PALS2: variants seen among roughly 807,000 people sequenced by gnomAD.
The protein encoded by PALS2 is protein PALS2.
PALS2 carries 27 observed loss-of-function variants against 61.6 expected under a neutral mutation model. The ratio of observed to expected loss-of-function variants is 0.44; its 90% CI spans 0.32 to 0.60. PALS2 has a LOEUF of 0.60. PALS2 is among the 20% of genes least tolerant of loss of function. PALS2 has a pLI of 0.05. For missense variants in PALS2, 554 were observed against 639.4 expected, an observed-to-expected ratio of 0.87 and a Z score of 1.44; for synonymous variants, 236 against 218.6, an observed-to-expected ratio of 1.08 and a Z score of -0.70.
intron 9 of PALS2, among the ~76,000 whole-genome samples, chr7:24,672,135 G>T (rs548614064): frequency 6.6e-6 from 1 of 150,606 alleles, no homozygotes; most frequent in Non-Finnish European, 1.5e-5. Flanking sequence ...GCAGCAATTG[G>T]AAGCTTATCT....
intron 10 of PALS2, among the ~76,000 whole-genome samples, chr7:24,680,174 T>G (rs992095360): frequency 6.6e-5 from 10 of 152,228 alleles, no homozygotes; most frequent in Non-Finnish European, 1.2e-4. Context: ...TGTTTTATAC[T>G]TTGTTCAAGA....
chr7:24,670,444 C>G (rs752448453), intron 9 of PALS2, among the ~76,000 whole-genome samples: 2 of 151,944 alleles, frequency 1.3e-5, no homozygotes, highest in Admixed American at 6.6e-5. Context: ...TGGAGTAGTT[C>G]CCTTTGTTGT....
At chr7:24,604,074 T>C (rs1240608919) in intron 1 of PALS2, among the ~76,000 whole-genome samples, 1 of 151,884 alleles carries the variant, frequency 6.6e-6, no homozygotes, top group African/African-American at 2.4e-5. Context: ...GTCTGGGCAT[T>C]GTGACATGTG....
chr7:24,622,483 A>G (rs934537362), intron 1 of PALS2, among the ~76,000 whole-genome samples: 1 of 151,928 alleles, frequency 6.6e-6, no homozygotes, highest in African/African-American at 2.4e-5. Flanking sequence ...TCACCAGTGT[A>G]TAGAAATACA....
chr7:24,658,151 ATTG>A (rs1027202976), intron 5 of PALS2, among the ~76,000 whole-genome samples: 17 of 151,782 alleles, frequency 1.1e-4, no homozygotes, highest in African/African-American at 4.1e-4. Flanking sequence ...GATGTTTTCT[ATTG>A]TTTTGTTTTC....
Position 24,687,346 on chromosome 7 carries a change from C to G in PALS2, c.1447-92C>G. ...AATACCAGAATTACCAGAAATATATCTAACCTATTTATTATATTCACTTCT... is the reference window on the plus strand; with the variant it reads ...AATACCAGAATTACCAGAAATATATGTAACCTATTTATTATATTCACTTCT... On this transcript the variant is annotated intron_variant, in intron 11 of 11. Transcript: ENST00000222644. This position sits in a 1 kb window ranked among gnomAD's most constrained non-coding sequence, Gnocchi z 4.5. The G allele has an allele frequency of 2.1e-6, 2 of 958,096 alleles. No individual in the cohort carries two copies. The highest frequency in any genetic ancestry group is 3.2e-6 in the Non-Finnish European group (2 of 633,210). 59.3% of individuals were successfully genotyped at this position (958,096 alleles called of 1,614,324 possible). A position where few individuals can be genotyped will look rare whatever the true frequency, so the allele number is the denominator to read the frequency against.
chr7:24,655,283 GA>G (rs1249426550), intron 5 of PALS2, among the ~76,000 whole-genome samples: 1 of 152,160 alleles, frequency 6.6e-6, no homozygotes, highest in Non-Finnish European at 1.5e-5. Context: ...AACCCCAAAA[GA>G]TTACATGCAT....
chr7:24,631,910 A>G (rs1012916261), intron 2 of PALS2, among the ~76,000 whole-genome samples: 3 of 152,236 alleles, frequency 2.0e-5, no homozygotes, highest in Non-Finnish European at 4.4e-5. Context: ...CTTGTCATGT[A>G]AACATAACTT....
chr7:24,679,235 C>G lies in PALS2; in HGVS notation c.1219C>G (p.His407Asp). 6.2e-7 allele frequency: 1 copy of G among 1,613,926 alleles called. No homozygotes were observed. The highest frequency in any genetic ancestry group is 1.1e-5 in the South Asian group (1 of 91,070). Reference protein sequence around the residue: ...ADIKAGKYLEHGEYEGNLYGT... With the variant: ...ADIKAGKYLEDGEYEGNLYGT... Reference sequence around the variant, plus strand: ...TATTAAAGCTGGAAAGTATTTGGAACATGGGGAATATGAAGGAAATCTCTA... The same window carrying G: ...TATTAAAGCTGGAAAGTATTTGGAAGATGGGGAATATGAAGGAAATCTCTA... Residue 407 changes from histidine (H) to aspartate (D), a missense_variant, in exon 10 of 12, where the codon CAT becomes GAT. By Grantham distance (81) the His-to-Asp change is moderately conservative. Coordinates refer to ENST00000222644, the MANE Select transcript of PALS2 (RefSeq NM_001303037.2).
chr7:24,606,645 A>G (rs2711131), intron 1 of PALS2, among the ~76,000 whole-genome samples: 11,677 of 151,818 alleles, frequency 0.077, 549 homozygotes, highest in African/African-American at 0.13. Flanking sequence ...GGGTCTTGCT[A>G]TGTTGCCCAG....
At chr7:24,599,525 T>TTTTTTTTTTTTTTTTTTTTG (rs4000763) in intron 1 of PALS2, among the ~76,000 whole-genome samples, 1 of 143,624 alleles carries the variant, frequency 7.0e-6, no homozygotes, top group Non-Finnish European at 1.5e-5. Context: ...TTTTTTTTTT[T>TTTTTTTTTTTTTTTTTTTTG]ATGGAGTCTT....
At chr7:24,635,879 T>A (rs1223933360) in intron 2 of PALS2, among the ~76,000 whole-genome samples, 2 of 152,148 alleles carry the variant, frequency 1.3e-5, no homozygotes, top group Non-Finnish European at 2.9e-5. Context: ...TGTTATTTTG[T>A]ACATACACAC....
chr7:24,600,368 A>G (rs1463586305), intron 1 of PALS2, among the ~76,000 whole-genome samples: 1 of 152,196 alleles, frequency 6.6e-6, no homozygotes, highest in Admixed American at 6.5e-5. Context: ...CAAATTGATG[A>G]GGTAATTCTA....
At chr7:24,611,948 TGATAATGGCA>T (rs1784129121) in intron 1 of PALS2, among the ~76,000 whole-genome samples, 1 of 152,020 alleles carries the variant, frequency 6.6e-6, no homozygotes, top group African/African-American at 2.4e-5. Flanking sequence ...GGGTACGATA[TGATAATGGCA>T]AGGACTCATT....
In PALS2 at chr7:24,618,557, C is replaced by G. The variant is rs1330680210; in HGVS notation, c.-2-5109C>G. Among the ~76,000 whole-genome samples the G allele has an allele frequency of 1.3e-5, 2 of 152,216 alleles. No individual in the cohort carries two copies. Among genetic ancestry groups the G allele is most frequent in the Non-Finnish European group, 2.9e-5 (2 of 68,034 alleles). On this transcript the variant is annotated intron_variant, in intron 1 of 11. Coordinates refer to ENST00000222644, the MANE Select transcript of PALS2 (RefSeq NM_001303037.2). The surrounding 1 kb of genome is among the most constrained non-coding windows in gnomAD (Gnocchi z 5.1). Reference sequence around the variant, plus strand: ...CTGGGGGAATACAGCTGTGTGAATTCACAGCAGCTCCCCAAACTGGGCTCA... The same window carrying G: ...CTGGGGGAATACAGCTGTGTGAATTGACAGCAGCTCCCCAAACTGGGCTCA...
At chr7:24,641,007 C>CAAAAA (rs35912373) in intron 2 of PALS2, among the ~76,000 whole-genome samples, 14 of 67,054 alleles carry the variant, frequency 2.1e-4, no homozygotes, top group East Asian at 4.7e-4. Context: ...GACTCCATCT[C>CAAAAA]AAAAAAAAAA....
chr7:24,582,541 A>AT (rs149430953), intron 1 of PALS2, among the ~76,000 whole-genome samples: 51 of 151,366 alleles, frequency 3.4e-4, no homozygotes, highest in Middle Eastern at 3.4e-3. Flanking sequence ...AGAAACATTG[A>AT]TTTTTTTTTC....
chr7:24,627,326 C>G (rs146195591), intron 2 of PALS2, among the ~76,000 whole-genome samples: 2,816 of 152,186 alleles, frequency 0.019, 100 homozygotes, highest in African/African-American at 0.065. Flanking sequence ...AGATCAAAGA[C>G]ACAATGTACC....
intron 5 of PALS2, among the ~76,000 whole-genome samples, chr7:24,651,950 T>C (rs1284856878): frequency 1.3e-5 from 2 of 152,232 alleles, no homozygotes; most frequent in African/African-American, 2.4e-5. Flanking sequence ...ATTGAACTTA[T>C]GAAAATAGAT....
Sources: allele counts gnomAD v4.1 joint callset (sites outside exome capture counted in the v4.1 genomes callset), GRCh38; gene constraint gnomAD v4.1.1; non-coding constraint Gnocchi (gnomAD v3.1); transcripts MANE v1.5; gene names NCBI Gene and HGNC (gene_info 2026-07-23, HGNC 2026-07-21).